KMT2E: variants seen among roughly 807,000 people sequenced by gnomAD.
KMT2E encodes histone reader KMT2E.
A neutral mutation model predicts 184.6 loss-of-function variants in KMT2E; 30 were observed. That is an observed-to-expected ratio of 0.16 (90% confidence interval 0.12 to 0.22). The LOEUF is 0.22. Ranked by LOEUF, KMT2E falls within the 10% of genes least tolerant of loss-of-function variation. The pLI, the probability that KMT2E is intolerant of heterozygous loss-of-function variation, is 1.00. For synonymous variants in KMT2E, 815 were observed against 776.5 expected (o/e 1.05, Z -0.82); for missense variants, 2,023 against 2,237.4 (o/e 0.90, Z 1.93).
chr7:105,062,037 C>G (rs1796833060), intron 3 of KMT2E, 127 bp from the exon 4 acceptor site: 4 of 647,374 alleles, frequency 6.2e-6, no homozygotes, highest in Non-Finnish European at 1.1e-5. Flanking sequence ...GTGTATCCAC[C>G]TGCTGTAAGT....
intron 15 of KMT2E, among the ~76,000 whole-genome samples, chr7:105,093,047 T>G (rs1280148935): frequency 6.6e-6 from 1 of 152,020 alleles, no homozygotes; most frequent in Non-Finnish European, 1.5e-5. Flanking sequence ...ATTTAAAAAT[T>G]AGCCAGGTGT....
At chr7:105,026,751 G>A (rs891146175) in intron 1 of KMT2E, among the ~76,000 whole-genome samples, 1 of 152,146 alleles carries the variant, frequency 6.6e-6, no homozygotes, top group Non-Finnish European at 1.5e-5. Context: ...CTGTTTTATT[G>A]TGTGATTACT....
At chr7:105,045,455 C>A (rs1027081746) in intron 3 of KMT2E, among the ~76,000 whole-genome samples, 2 of 152,214 alleles carry the variant, frequency 1.3e-5, no homozygotes, top group African/African-American at 2.4e-5. Flanking sequence ...CTCCTTCTTT[C>A]CCCTTCTCCT....
chr7:105,049,443 C>CAA (rs772840459), intron 3 of KMT2E, among the ~76,000 whole-genome samples: 4 of 126,796 alleles, frequency 3.2e-5, no homozygotes, highest in Non-Finnish European at 6.8e-5. Context: ...GACCTTGTCT[C>CAA]AAAAAAAAAA....
At position 105,027,697 on chromosome 7, in the gene KMT2E, A is replaced by T. The variant is rs186668473; in HGVS notation, c.-188-10429A>T. Among the ~76,000 whole-genome samples the T allele has an allele frequency of 1.4e-3, 216 of 152,156 alleles. 4 individuals are homozygous for T. In the East Asian group the frequency reaches 0.028, roughly 19 times the overall value. ...GGGTTTTTGTTTTTCTATTTACATTACTGTATGAAGAGGAGGAAGCTGATC... is the reference window on the plus strand; with the variant it reads ...GGGTTTTTGTTTTTCTATTTACATTTCTGTATGAAGAGGAGGAAGCTGATC... On this transcript the variant is annotated intron_variant, in intron 1 of 26. Coordinates refer to ENST00000311117, the MANE Select transcript of KMT2E (RefSeq NM_182931.3).
At chr7:105,067,446 A>G (rs148009850) in intron 6 of KMT2E, among the ~76,000 whole-genome samples, 2 of 152,046 alleles carry the variant, frequency 1.3e-5, no homozygotes, top group African/African-American at 4.8e-5. Context: ...GGACATTTCA[A>G]ACTTACGTAA....
chr7:105,035,978 G>T (rs368741577), intron 1 of KMT2E, among the ~76,000 whole-genome samples: 3 of 152,238 alleles, frequency 2.0e-5, no homozygotes, highest in South Asian at 4.1e-4. Context: ...GAGCAAGGTC[G>T]GTTTTGTTAG....
In KMT2E at chr7:105,062,038, T is replaced by G; in HGVS notation, c.72-126T>G. On this transcript the variant is annotated intron_variant, in intron 3 of 26. Transcript: ENST00000311117. ...ATATCTTATCTATAGTGTATCCACCTGCTGTAAGTAGATACTGTATTTGTA... is the reference window on the plus strand; with the variant it reads ...ATATCTTATCTATAGTGTATCCACCGGCTGTAAGTAGATACTGTATTTGTA... The G allele has an allele frequency of 1.7e-5, 11 of 653,832 alleles. 1 individual carries two copies. Among genetic ancestry groups the G allele is most frequent in the Middle Eastern group, 2.6e-4 (1 of 3,920 alleles). 40.5% of individuals were successfully genotyped at this position (653,832 alleles called of 1,614,324 possible).
chr7:105,076,280 A>T (rs1797523528), intron 9 of KMT2E, among the ~76,000 whole-genome samples, 199 bp downstream of exon 9: 1 of 152,236 alleles, frequency 6.6e-6, no homozygotes, highest in Non-Finnish European at 1.5e-5. Context: ...ATATTAATCA[A>T]AAGGGGGAGG....
intron 1 of KMT2E, among the ~76,000 whole-genome samples, chr7:105,022,073 G>T (rs998488814): frequency 6.6e-6 from 1 of 151,934 alleles, no homozygotes; most frequent in African/African-American, 2.4e-5. Context: ...AGTAGTACTA[G>T]CCCCCTTACA....
rs138483501 is a variant in KMT2E at position 105,102,411 on chromosome 7, T to G, written c.2196+217T>G. On this transcript the variant is annotated intron_variant, in intron 17 of 26. Transcript: ENST00000311117. The stretch of plus-strand genomic sequence containing the variant: ...AAAGTTACATTCAGTTTATCAGGAC[T>G]TTTATGGTATTGCAATTCATGATTT... The G allele has an allele frequency of 1.1e-3, 443 of 396,344 alleles. 3 individuals are homozygous for G. Among genetic ancestry groups the G allele is most frequent in the African/African-American group, 8.6e-3 (407 of 47,306 alleles). 24.6% of individuals were successfully genotyped at this position (396,344 alleles called of 1,614,324 possible).
intron 3 of KMT2E, among the ~76,000 whole-genome samples, chr7:105,049,051 G>GA (rs781362634): frequency 2.6e-5 from 4 of 152,066 alleles, no homozygotes; most frequent in Non-Finnish European, 5.9e-5. Flanking sequence ...AAAGAACAGG[G>GA]AAAAAATATC....
At chr7:105,037,328 A>T (rs1430535078) in intron 1 of KMT2E, among the ~76,000 whole-genome samples, 1 of 151,966 alleles carries the variant, frequency 6.6e-6, no homozygotes, top group East Asian at 1.9e-4. Context: ...TTTGGGTATC[A>T]TATTAATCTT....
chr7:105,087,278 A>ATAT (rs1250017662), intron 13 of KMT2E, among the ~76,000 whole-genome samples: 1 of 139,688 alleles, frequency 7.2e-6, no homozygotes, highest in Non-Finnish European at 1.5e-5. Flanking sequence ...TATAATATAT[A>ATAT]AATATGATAT....
chr7:105,022,720 T>C (rs1364127195), intron 1 of KMT2E, among the ~76,000 whole-genome samples: 1 of 152,200 alleles, frequency 6.6e-6, no homozygotes, highest in Non-Finnish European at 1.5e-5. Context: ...ACGAAGGTTT[T>C]TCTTTTCTTT....
At chr7:105,106,874 CAAA>C (rs998312599) in intron 20 of KMT2E, 102 bp downstream of exon 20, 1 of 1,143,996 alleles carries the variant, frequency 8.7e-7, no homozygotes, top group African/African-American at 1.6e-5. Flanking sequence ...GCTGAGAATA[CAAA>C]AAAAAGGTTG....
At chr7:105,084,722 G>A (rs562366326) in intron 13 of KMT2E, among the ~76,000 whole-genome samples, 3 of 152,040 alleles carry the variant, frequency 2.0e-5, no homozygotes, top group Non-Finnish European at 4.4e-5. Context: ...ACAATTTACT[G>A]AGAGATGAAC....
chr7:105,110,881 A>C lies in KMT2E; in HGVS notation c.4068+13A>C, dbSNP rs532088706. On this transcript the variant is annotated intron_variant, in intron 26 of 26. Transcript: ENST00000311117. ...AAAAATGAGCAAGGTAATAACATTG[A>C]CCTTTCGATGGGTTCCAAAGGACTT... 26 of 1,578,884 alleles carry C rather than the reference A, an allele frequency of 1.6e-5. No homozygotes were observed. Among genetic ancestry groups the C allele is most frequent in the African/African-American group, 2.7e-5 (2 of 74,140 alleles).
Position 105,035,937 on chromosome 7 carries a change from A to G in KMT2E, c.-188-2189A>G, listed in dbSNP as rs146947641. 3.1e-3 allele frequency among the ~76,000 whole-genome samples: 477 copies of G among 152,286 alleles called. 1 individual carries two copies. Among genetic ancestry groups the G allele is most frequent in the African/African-American group, 0.011 (451 of 41,554 alleles). On this transcript the variant is annotated intron_variant, in intron 1 of 26. Coordinates refer to ENST00000311117, the MANE Select transcript of KMT2E (RefSeq NM_182931.3). ...TAATGCATTGTTACAGATTAAATGT[A>G]AGTTTGTTAACTGGATCAGGTTTGA...
Sources: gnomAD v4.1 joint callset for allele counts (sites outside exome capture counted in the v4.1 genomes callset) on GRCh38, gnomAD v4.1.1 for gene constraint, MANE v1.5 for transcripts, NCBI Gene and HGNC (gene_info 2026-07-23, HGNC 2026-07-21) for gene names.